The following PARP9 variants were observed in gnomAD, a reference collection of about 807,000 sequenced individuals.
PARP9 encodes the protein poly(ADP-ribose) polymerase family member 9.
PARP9 carries 48 observed loss-of-function variants against 68.8 expected under a neutral mutation model. The observed-to-expected ratio is 0.70, with a 90% CI of 0.55 to 0.89. The LOEUF (loss-of-function observed/expected upper bound fraction) is 0.89, where lower values mean the gene tolerates loss of function less well. Ranked by LOEUF, PARP9 falls within the 40% of genes least tolerant of loss-of-function variation. The pLI, the probability that PARP9 is intolerant of heterozygous loss-of-function variation, is 0.00. For missense variants in PARP9, 806 were observed against 969.3 expected (o/e 0.83, Z 2.24); for synonymous variants, 309 against 333.8 (o/e 0.93, Z 0.81).
In PARP9 at chr3:122,552,656, G is replaced by A. The variant is rs772040873; in HGVS notation, c.886-17C>T. 4 of 1,553,664 alleles carry A rather than the reference G, an allele frequency of 2.6e-6. No individual in the cohort carries two copies. In the Admixed American group the frequency reaches 6.7e-5, roughly 26 times the overall value. ...TACATCTGCCTGAAAAGGGAAGAAA[G>A]GGTAGGATTCATTGTTAAATTCCTT... On this transcript the variant is annotated splice_polypyrimidine_tract_variant and intron_variant, in intron 4 of 10. Coordinates refer to ENST00000682323, the MANE Select transcript of PARP9 (RefSeq NM_001146105.2).
Position 122,552,486 on chromosome 3 carries a change from T to C in PARP9, c.1039A>G (p.Lys347Glu), listed in dbSNP as rs768210727. 1.3e-5 allele frequency: 21 copies of C among 1,614,034 alleles called. No individual in the cohort carries two copies. The East Asian group carries it at 2.5e-4, about 19-fold the overall frequency. The stretch of plus-strand genomic sequence containing the variant: ...TATTTACAGAACAAGTTAAATCCTT[T>C]TGTGACCAGTACCAACTGGGACCGT... ...FQRSQLVLVT[K>E]GFNLFCKYIY... The change falls in exon 5 of 11, where the codon AAA becomes GAA. Residue 347 changes from lysine (K) to glutamate (E), a missense_variant. Around this residue, in one of 2 missense-constraint regions of PARP9, gnomAD observed 680 missense variants for 858.8 expected, o/e 0.79. Coordinates refer to ENST00000682323, the MANE Select transcript of PARP9 (RefSeq NM_001146105.2).
At chr3:122,558,404 G>A in intron 3 of PARP9, 30 bp downstream of exon 3, 2 of 1,614,108 alleles carry the variant, frequency 1.2e-6, no homozygotes, top group Non-Finnish European at 1.7e-6. Context: ...AAGACTTTCT[G>A]AAACAAGAGT....
chr3:122,533,027 A>T (rs371897771), intron 10 of PARP9: 3 of 152,308 alleles, frequency 2.0e-5, no homozygotes, highest in Non-Finnish European at 1.5e-5. Context: ...TAGCGTGATA[A>T]TTCTGGTGGT....
chr3:122,563,123 C>T (rs2080381146), intron 1 of PARP9, among the ~76,000 whole-genome samples: 1 of 152,186 alleles, frequency 6.6e-6, no homozygotes, highest in African/African-American at 2.4e-5. Context: ...AATGTGTCCT[C>T]CACACGGTTG....
At chr3:122,531,922 G>A (rs1287055310) in intron 10 of PARP9, 1 of 153,584 alleles carries the variant, frequency 6.5e-6, no homozygotes, top group East Asian at 1.9e-4. Flanking sequence ...GAAGTGATGT[G>A]ACTAGAGCTC....
chr3:122,551,615 T>C (rs953808868), intron 5 of PARP9, among the ~76,000 whole-genome samples: 35 of 152,294 alleles, frequency 2.3e-4, no homozygotes, highest in East Asian at 2.1e-3. Flanking sequence ...GCTTGTATTT[T>C]ATGTGCCTCA....
At chr3:122,564,444 C>T (rs2080509544), upstream of PARP9, 1 of 1,610,820 alleles carries the variant, frequency 6.2e-7, no homozygotes. Context: ...CCCACCTGCG[C>T]CCGCCGTCCC....
chr3:122,558,591 G>A, intron 2 of PARP9, 124 bp from the exon 3 acceptor site: 1 of 1,149,354 alleles, frequency 8.7e-7, no homozygotes, highest in Non-Finnish European at 1.2e-6. Context: ...GTGTTTGGGA[G>A]GGCAGGAAGC....
In PARP9 at chr3:122,555,408, C is replaced by T. The variant is rs1231152469; in HGVS notation, c.763G>A (p.Ala255Thr). The change falls in exon 4 of 11, where the codon GCT (alanine) becomes ACT (threonine). Residue 255 changes from alanine to threonine, a missense_variant. Physicochemically the swap from Ala to Thr is moderately conservative, Grantham distance 58. Around this residue, in one of 2 missense-constraint regions of PARP9, gnomAD observed 680 missense variants for 858.8 expected, o/e 0.79. Coordinates refer to ENST00000682323, the MANE Select transcript of PARP9 (RefSeq NM_001146105.2). ...NEDPTVAAFKAASEFILGKSE... is the reference protein window; with the variant it reads ...NEDPTVAAFKTASEFILGKSE... ...TTCCCTAGGATGAATTCTGAAGCAG[C>T]TTTAAAGGCAGCAACAGTAGGGTCC... 1 of 1,614,118 alleles carries T rather than the reference C, an allele frequency of 6.2e-7. No individual in the cohort carries two copies. The highest frequency in any genetic ancestry group is 1.1e-5 in the South Asian group (1 of 91,082).
In PARP9 at chr3:122,540,793, T is replaced by C. The variant is rs28365795; in HGVS notation, c.1444A>G (p.Ile482Val). 231,392 of 1,613,916 alleles carry C rather than the reference T, an allele frequency of 0.14. 17,877 individuals carry two copies. The highest frequency in any genetic ancestry group is 0.28 in the Middle Eastern group (1,683 of 6,062). ...ENGLEARSPA[I>V]NLMGFNVEEM... ...TCCACGTTGAATCCCATCAGATTGA[T>C]GGCAGGAGATCTAGCTTCAAGCCCA... The change falls in exon 8 of 11, where the codon ATC becomes GTC. Residue 482 changes from isoleucine (I) to valine (V), a missense_variant. Around this residue, in one of 2 missense-constraint regions of PARP9, gnomAD observed 680 missense variants for 858.8 expected, o/e 0.79. Transcript: ENST00000682323.
At chr3:122,531,515 C>T (rs907674968) in intron 10 of PARP9, among the ~76,000 whole-genome samples, 2 of 152,180 alleles carry the variant, frequency 1.3e-5, no homozygotes, top group South Asian at 2.1e-4. Context: ...CCCAGCACTT[C>T]GGGAGGCCGA....
chr3:122,552,743 A>C (rs1321387866), intron 4 of PARP9, 104 bp from the exon 5 acceptor site: 1 of 820,560 alleles, frequency 1.2e-6, no homozygotes, highest in Non-Finnish European at 1.9e-6. Context: ...TACTCTTTGA[A>C]GATCCTAAAT....
In PARP9 at chr3:122,555,943, T is replaced by C. The variant is rs371487578; in HGVS notation, c.228A>G (p.Arg76=). Residue 76 remains arginine (R), a synonymous_variant, in exon 4 of 11, where the codon AGA becomes AGG. Transcript: ENST00000682323. The part of the protein sequence containing the change: ...EGNSKSLQVF[R]KMLTPRIELS... ...ACTCTATCCTAGGAGTCAGCATTTT[T>C]CTGAACACTTGCAGAGATTTGCTGT... The C allele has an allele frequency of 3.9e-5, 63 of 1,613,846 alleles. No individual in the cohort carries two copies. In the African/African-American group the frequency reaches 8.1e-4, roughly 21 times the overall value.
intron 6 of PARP9, among the ~76,000 whole-genome samples, chr3:122,547,100 G>A (rs1165387367): frequency 8.6e-6 from 1 of 116,006 alleles, no homozygotes. Flanking sequence ...ATATATACAC[G>A]TATTTTTTTT....
At chr3:122,534,976 T>C (rs1470594399) in intron 10 of PARP9, 10 of 981,374 alleles carry the variant, frequency 1.0e-5, no homozygotes, top group Non-Finnish European at 1.2e-5. Context: ...GGATAGTGGG[T>C]GTCTTAGATG....
Position 122,555,512 on chromosome 3 carries a change from A to G in PARP9, c.659T>C (p.Ile220Thr). 1 of 1,614,208 alleles carries G rather than the reference A, an allele frequency of 6.2e-7. No individual in the cohort carries two copies. The highest frequency in any genetic ancestry group is 8.5e-7 in the Non-Finnish European group (1 of 1,180,024). ...QFPLNLCTKTIVETIRVSLQG... is the reference protein window; with the variant it reads ...QFPLNLCTKTTVETIRVSLQG... ...CAAACTAACCCGGATAGTCTCTACA[A>G]TAGTCTTTGTACACAAATTCAGAGG... is the stretch of plus-strand genomic sequence containing the variant. The change falls in exon 4 of 11, where the codon ATT becomes ACT. Residue 220 changes from isoleucine (I) to threonine (T), a missense_variant. By Grantham distance (89) the Ile-to-Thr change is moderately conservative. Around this residue, in one of 2 missense-constraint regions of PARP9, gnomAD observed 680 missense variants for 858.8 expected, o/e 0.79. Coordinates refer to ENST00000682323, the MANE Select transcript of PARP9 (RefSeq NM_001146105.2).
In PARP9 at chr3:122,558,834, C is replaced by T. The variant is rs2079943064; in HGVS notation, c.16-367G>A. Among the ~76,000 whole-genome samples the T allele has an allele frequency of 2.0e-5, 3 of 152,176 alleles. No homozygotes were observed. The East Asian group carries it at 5.8e-4, about 29-fold the overall frequency. ...GAAGCAATCCTCCCATCTCAGTCTC[C>T]TGAATAGCTGGGACTACAGGCATGC... On this transcript the variant is annotated intron_variant, in intron 2 of 10. Transcript: ENST00000682323.
At chr3:122,535,345 G>T in intron 10 of PARP9, 6 of 985,260 alleles carry the variant, frequency 6.1e-6, no homozygotes, top group African/African-American at 1.7e-5. Context: ...AAGAAAAGAT[G>T]ATTTCTAGAG....
intron 7 of PARP9, among the ~76,000 whole-genome samples, chr3:122,542,639 C>T (rs1419487506): frequency 6.6e-6 from 1 of 151,660 alleles, no homozygotes; most frequent in African/African-American, 2.4e-5. Flanking sequence ...ACCACCACAC[C>T]CGGCTAATTT....
Sources: gnomAD v4.1 joint callset for allele counts (sites outside exome capture counted in the v4.1 genomes callset) on GRCh38, gnomAD v4.1.1 for gene constraint, gnomAD v4.1.1 regional missense constraint, MANE v1.5 for transcripts, NCBI Gene and HGNC (gene_info 2026-07-23, HGNC 2026-07-21) for gene names.